SERINC5: variants seen among roughly 807,000 people sequenced by gnomAD.
The protein encoded by SERINC5 is serine incorporator 5, also known as chromosome 5 open reading frame 12.
A neutral mutation model predicts 63.1 loss-of-function variants in SERINC5; 41 were observed. That is an observed-to-expected ratio of 0.65 (90% CI 0.51 to 0.84). SERINC5 has a LOEUF of 0.84. Among genes scored for constraint, SERINC5 ranks in the 40% least tolerant of loss-of-function variants. SERINC5 has a pLI of 0.00. For synonymous variants in SERINC5, 222 were observed against 215.2 expected (o/e 1.03, Z -0.28); for missense variants, 523 against 573.0 (o/e 0.91, Z 0.89).
At position 80,150,485 on chromosome 5, in the gene SERINC5, G is replaced by C. The variant is rs764880262; in HGVS notation, c.1053+397C>G. Reference sequence around the variant, plus strand: ...AAGTGTCACTCTATTGCCCAGGCTGGAGTGCAGTGGTATGACCTTGGCTCA... The same window carrying C: ...AAGTGTCACTCTATTGCCCAGGCTGCAGTGCAGTGGTATGACCTTGGCTCA... On this transcript the variant is annotated intron_variant, in intron 9 of 11. Transcript: ENST00000507668. Among the ~76,000 whole-genome samples, 70 of 152,102 alleles carry C rather than the reference G, an allele frequency of 4.6e-4. 1 individual carries two copies. The highest frequency in any genetic ancestry group is 8.8e-5 in the Non-Finnish European group (6 of 68,026).
chr5:80,122,801 C>T (rs1379116648), intron 11 of SERINC5, among the ~76,000 whole-genome samples: 1 of 152,196 alleles, frequency 6.6e-6, no homozygotes, highest in Non-Finnish European at 1.5e-5. Context: ...CTGAAAGTGG[C>T]CCTTGCCTAA....
Position 80,166,403 on chromosome 5 carries a change from G to C in SERINC5, c.839C>G (p.Ser280Cys), listed in dbSNP as rs1747303510. 1 of 1,590,192 alleles carries C rather than the reference G, an allele frequency of 6.3e-7. No homozygotes were observed. Among genetic ancestry groups the C allele is most frequent in the South Asian group, 1.2e-5 (1 of 86,764 alleles). The part of the protein sequence containing the change: ...YVTYLTFSAL[S>C]SKPAEVVLDE... ...CTTACCTACTTCTGCAGGTTTGCTG[G>C]ACAGAGCTGAGAAGGTGAGGTAGGT... Residue 280 changes from serine (S) to cysteine (C), a missense_variant, in exon 7 of 12, where the codon TCC (serine) becomes TGC (cysteine). Physicochemically the swap from Ser to Cys is moderately radical, Grantham distance 112. Coordinates refer to ENST00000507668, the MANE Select transcript of SERINC5 (RefSeq NM_001174072.3).
chr5:80,161,749 T>C (rs1182378496), intron 7 of SERINC5, among the ~76,000 whole-genome samples: 1 of 152,234 alleles, frequency 6.6e-6, no homozygotes, highest in African/African-American at 2.4e-5. Context: ...TGTCTGTGCT[T>C]TTGAGGTCTT....
intron 1 of SERINC5, among the ~76,000 whole-genome samples, chr5:80,232,201 A>C (rs369396244): frequency 2.6e-5 from 4 of 151,074 alleles, no homozygotes; most frequent in South Asian, 4.2e-4. Flanking sequence ...TCAGGAGATC[A>C]AGACCATCCT....
At chr5:80,239,329 A>T (rs541317426) in intron 1 of SERINC5, among the ~76,000 whole-genome samples, 2 of 152,350 alleles carry the variant, frequency 1.3e-5, no homozygotes, top group East Asian at 3.9e-4. Context: ...CCTGACCATT[A>T]TCCTTAAAAA....
In SERINC5 at chr5:80,139,695, A is replaced by G. The variant is rs78727360; in HGVS notation, c.*3968T>C. 2.1e-3 allele frequency: 2,077 copies of G among 985,390 alleles called. 28 individuals are homozygous for G. In the African/African-American group the frequency reaches 0.034, roughly 16 times the overall value. 61.0% of individuals were successfully genotyped at this position (985,390 alleles called of 1,614,324 possible). ...TACAGAGCGCACCTCTGCCTGAAAT[A>G]CAAAACTAAGTTAACTAGCAAGTTA... On this transcript the variant is annotated 3_prime_UTR_variant, in exon 12 of 12. Transcript: ENST00000507668.
intron 7 of SERINC5, among the ~76,000 whole-genome samples, chr5:80,162,626 G>A (rs1747016125): frequency 6.6e-6 from 1 of 152,136 alleles, no homozygotes; most frequent in Admixed American, 6.6e-5. Context: ...CTCCCACCTT[G>A]GCCTCCCAAA....
At chr5:80,175,185 C>G (rs908940402) in intron 4 of SERINC5, 138 bp from the exon 5 acceptor site, 1 of 583,362 alleles carries the variant, frequency 1.7e-6, no homozygotes, top group African/African-American at 1.9e-5. Context: ...ATATGTATTA[C>G]TATTATAAAT....
chr5:80,156,237 C>A (rs1383059190), intron 8 of SERINC5, among the ~76,000 whole-genome samples: 1 of 152,184 alleles, frequency 6.6e-6, no homozygotes, highest in Non-Finnish European at 1.5e-5. Flanking sequence ...AGTTCCCACA[C>A]GGACGATGTG....
In SERINC5 at chr5:80,142,533, A is replaced by C. The variant is rs1299294068; in HGVS notation, c.*1130T>G. 3 of 985,316 alleles carry C rather than the reference A, an allele frequency of 3.0e-6. No individual in the cohort carries two copies. The African/African-American group carries it at 5.2e-5, about 17-fold the overall frequency. The allele number at this position is 985,316 out of a possible 1,614,324, so 61.0% of individuals were successfully genotyped here. ...TTCGGCCACTTCCACACATTGCCTA[A>C]CAAGCTTCTTCTGGTCAGTGTGTCT... On this transcript the variant is annotated 3_prime_UTR_variant, in exon 12 of 12. Transcript: ENST00000507668.
At chr5:80,239,425 GCCC>G (rs1751852911) in intron 1 of SERINC5, among the ~76,000 whole-genome samples, 1 of 150,136 alleles carries the variant, frequency 6.7e-6, no homozygotes, top group Non-Finnish European at 1.5e-5. Context: ...TTGTCAGCAT[GCCC>G]CCAATTTTCA....
intron 1 of SERINC5, among the ~76,000 whole-genome samples, chr5:80,219,760 G>T (rs994207236): frequency 6.6e-6 from 1 of 152,168 alleles, no homozygotes; most frequent in East Asian, 1.9e-4. Flanking sequence ...TTTGCAAAAG[G>T]AACCAGGGCC....
At chr5:80,220,231 AAGAGAG>A (rs112165731) in intron 1 of SERINC5, among the ~76,000 whole-genome samples, 1 of 114,452 alleles carries the variant, frequency 8.7e-6, no homozygotes, top group Non-Finnish European at 1.8e-5. Flanking sequence ...AAAAAAAAAA[AAGAGAG>A]AGAGAGATAG....
intron 1 of SERINC5, among the ~76,000 whole-genome samples, chr5:80,231,766 C>T (rs143383022): frequency 1.1e-4 from 16 of 152,162 alleles, no homozygotes; most frequent in African/African-American, 3.9e-4. Flanking sequence ...AAATGCAAAA[C>T]AATGAAGTTG....
At chr5:80,236,979 T>C (rs1006060010) in intron 1 of SERINC5, among the ~76,000 whole-genome samples, 1 of 151,900 alleles carries the variant, frequency 6.6e-6, no homozygotes, top group Admixed American at 6.6e-5. Context: ...CCTCCCGCCA[T>C]CATGCCGGGC....
intron 1 of SERINC5, among the ~76,000 whole-genome samples, chr5:80,217,451 GTATGCTCGGGGA>G (rs1750718199): frequency 6.6e-6 from 1 of 152,178 alleles, no homozygotes; most frequent in Non-Finnish European, 1.5e-5. Context: ...CTAGATGCCC[GTATGCTCGGGGA>G]TGGAAACAGA....
At chr5:80,162,372 CTTTTTA>C (rs765686914) in intron 7 of SERINC5, among the ~76,000 whole-genome samples, 45 of 152,166 alleles carry the variant, frequency 3.0e-4, no homozygotes, top group African/African-American at 7.0e-4. Context: ...CGCTTGCATC[CTTTTTA>C]TTTTTATTTT....
At chr5:80,150,739 AT>A (rs1746124734) in intron 9 of SERINC5, 142 bp downstream of exon 9, 1 of 684,760 alleles carries the variant, frequency 1.5e-6, no homozygotes, top group African/African-American at 1.8e-5. Flanking sequence ...CCCGGCCAGC[AT>A]TTATTTTTCT....
rs765674889 is a variant in SERINC5, at chr5:80,182,552, C to G, written c.196-4488G>C. Among the ~76,000 whole-genome samples, 49 of 141,420 alleles carry G rather than the reference C, an allele frequency of 3.5e-4. 3 individuals are homozygous for G. Among genetic ancestry groups the G allele is most frequent in the African/African-American group, 7.2e-4 (27 of 37,608 alleles). The allele number at this position is 141,420 out of a possible 152,430, so 92.8% of individuals were successfully genotyped here. Reference sequence around the variant, plus strand: ...GCTTCTATCATCTGACCGCCCCCCCCCCCTCCGCTTTTTTTTAATTGAGAC... The same window carrying G: ...GCTTCTATCATCTGACCGCCCCCCCGCCCTCCGCTTTTTTTTAATTGAGAC... On this transcript the variant is annotated intron_variant, in intron 2 of 11. Transcript: ENST00000507668.
Sources: allele counts gnomAD v4.1 joint callset (sites outside exome capture counted in the v4.1 genomes callset), GRCh38; gene constraint gnomAD v4.1.1; transcripts MANE v1.5; gene names NCBI Gene and HGNC (gene_info 2026-07-23, HGNC 2026-07-21).